GABRB1: variants seen among roughly 807,000 people sequenced by gnomAD.
GABRB1 encodes the protein gamma-aminobutyric acid type A receptor subunit beta1, also known as gamma-aminobutyric acid receptor subunit beta-1.
A neutral mutation model predicts 51.6 loss-of-function variants in GABRB1; 17 were observed. That is an observed-to-expected ratio of 0.33 (90% confidence interval 0.23 to 0.49). GABRB1 has a LOEUF of 0.49. Among genes scored for constraint, GABRB1 ranks in the 20% least tolerant of loss-of-function variants. The pLI, the probability that GABRB1 is intolerant of heterozygous loss-of-function variation, is 0.99. For synonymous variants in GABRB1, 247 were observed against 218.9 expected (o/e 1.13, Z -1.14); for missense variants, 410 against 600.6 (o/e 0.68, Z 3.32).
intron 5 of GABRB1, among the ~76,000 whole-genome samples, chr4:47,360,498 A>G (rs1726767252): frequency 6.6e-6 from 1 of 152,036 alleles, no homozygotes; most frequent in Non-Finnish European, 1.5e-5. Flanking sequence ...TCTAATCCTG[A>G]GTTCTAATTA....
intron 3 of GABRB1, among the ~76,000 whole-genome samples, chr4:47,075,809 A>T (rs1355334078): frequency 2.0e-5 from 3 of 152,150 alleles, no homozygotes; most frequent in Non-Finnish European, 2.9e-5. Context: ...ATATTTAAGG[A>T]TATCGAGATT....
At chr4:47,281,935 T>C (rs2109908586) in intron 4 of GABRB1, among the ~76,000 whole-genome samples, 2 of 152,336 alleles carry the variant, frequency 1.3e-5, no homozygotes, top group Middle Eastern at 6.8e-3. Context: ...AAGTTTCAGT[T>C]AAACTGGGAG....
chr4:47,023,067 C>T (rs1252535183), intron 1 of GABRB1, among the ~76,000 whole-genome samples: 1 of 151,912 alleles, frequency 6.6e-6, no homozygotes, highest in Non-Finnish European at 1.5e-5. Flanking sequence ...TGAAATAATC[C>T]AGGGACAGAA....
chr4:46,998,594 C>T (rs1222809282), intron 1 of GABRB1, among the ~76,000 whole-genome samples: 2 of 151,684 alleles, frequency 1.3e-5, no homozygotes, highest in Non-Finnish European at 2.9e-5. Context: ...ATTAGCCAGG[C>T]GTGGTGGCAG....
chr4:47,289,985 A>G (rs1723661341), intron 4 of GABRB1, among the ~76,000 whole-genome samples: 1 of 152,250 alleles, frequency 6.6e-6, no homozygotes, highest in South Asian at 2.1e-4. Flanking sequence ...CTGCAAAAGC[A>G]GTGAGAAATG....
At chr4:47,140,542 A>G (rs1373021655) in intron 3 of GABRB1, among the ~76,000 whole-genome samples, 2 of 151,986 alleles carry the variant, frequency 1.3e-5, no homozygotes, top group Middle Eastern at 6.3e-3. Context: ...TTTGCCAGGT[A>G]TGAAGTAAAA....
intron 3 of GABRB1, among the ~76,000 whole-genome samples, chr4:47,124,625 A>G (rs972855521): frequency 5.3e-5 from 8 of 152,212 alleles, no homozygotes; most frequent in African/African-American, 1.9e-4. Flanking sequence ...AATCAGGAAA[A>G]TAATACATGA....
intron 4 of GABRB1, among the ~76,000 whole-genome samples, chr4:47,196,839 A>G (rs780395443): frequency 4.6e-5 from 7 of 152,240 alleles, no homozygotes; most frequent in Non-Finnish European, 7.3e-5. Flanking sequence ...TCTGTGCCTC[A>G]TGAACACATT....
chr4:47,215,115 C>T (rs933874876), intron 4 of GABRB1, among the ~76,000 whole-genome samples: 1 of 151,982 alleles, frequency 6.6e-6, no homozygotes, highest in African/African-American at 2.4e-5. Flanking sequence ...GTATAAGGAT[C>T]CCTAAAAGGA....
chr4:47,218,672 T>C (rs989512147), intron 4 of GABRB1, among the ~76,000 whole-genome samples: 1 of 151,840 alleles, frequency 6.6e-6, no homozygotes, highest in South Asian at 2.1e-4. Context: ...CTTGTTTTCA[T>C]GTCTGCTTCC....
In GABRB1 at chr4:47,331,710, G is replaced by A. The variant is rs147585471; in HGVS notation, c.544+11501G>A. ...ATACTGGACACCCTTGCTGAACTAAGGAACTTTTTGATTCACTTGAGATCC... is the reference window on the plus strand; with the variant it reads ...ATACTGGACACCCTTGCTGAACTAAAGAACTTTTTGATTCACTTGAGATCC... On this transcript the variant is annotated intron_variant, in intron 5 of 8. Transcript: ENST00000295454. Among the ~76,000 whole-genome samples the A allele has an allele frequency of 6.6e-5, 10 of 152,206 alleles. No homozygotes were observed. The East Asian group carries it at 1.5e-3, about 24-fold the overall frequency.
At chr4:47,203,565 A>C (rs1041184433) in intron 4 of GABRB1, among the ~76,000 whole-genome samples, 3 of 152,084 alleles carry the variant, frequency 2.0e-5, no homozygotes, top group African/African-American at 7.2e-5. Context: ...CATAAAGAGG[A>C]TAGAAATACC....
In GABRB1 at chr4:47,243,700, A is replaced by G. The variant is rs1047564158; in HGVS notation, c.462-76427A>G. ...TTGGCTCTCTATCTGTTATTGGTGTAGATGAATGCTTGTGATTTTTGCACA... is the reference window on the plus strand; with the variant it reads ...TTGGCTCTCTATCTGTTATTGGTGTGGATGAATGCTTGTGATTTTTGCACA... On this transcript the variant is annotated intron_variant, in intron 4 of 8. Coordinates refer to ENST00000295454, the MANE Select transcript of GABRB1 (RefSeq NM_000812.4). 2.0e-4 allele frequency among the ~76,000 whole-genome samples: 31 copies of G among 152,220 alleles called. 1 individual carries two copies. The highest frequency in any genetic ancestry group is 6.5e-4 in the Admixed American group (10 of 15,278).
At chr4:47,203,852 G>C (rs1720007258) in intron 4 of GABRB1, among the ~76,000 whole-genome samples, 1 of 151,996 alleles carries the variant, frequency 6.6e-6, no homozygotes, top group African/African-American at 2.4e-5. Flanking sequence ...CCTACTCTTG[G>C]AACAACTCCC....
At chr4:47,265,910 G>T (rs1722625382) in intron 4 of GABRB1, among the ~76,000 whole-genome samples, 1 of 152,104 alleles carries the variant, frequency 6.6e-6, no homozygotes, top group African/African-American at 2.4e-5. Context: ...TGTTCACTCT[G>T]TTGATTGTTT....
At chr4:47,375,750 C>T (rs1727353438) in intron 5 of GABRB1, among the ~76,000 whole-genome samples, 1 of 152,130 alleles carries the variant, frequency 6.6e-6, no homozygotes, top group Non-Finnish European at 1.5e-5. Flanking sequence ...ACATAACCTG[C>T]CTAATTGCAA....
chr4:47,383,992 G>GTCGC (rs1727685027), intron 5 of GABRB1, among the ~76,000 whole-genome samples: 1 of 152,098 alleles, frequency 6.6e-6, no homozygotes, highest in Non-Finnish European at 1.5e-5. Context: ...ACAGTATCAT[G>GTCGC]TCGCTGCCTA....
chr4:47,415,576 G>T (rs779615837), intron 8 of GABRB1, among the ~76,000 whole-genome samples: 28 of 152,112 alleles, frequency 1.8e-4, no homozygotes, highest in Non-Finnish European at 2.6e-4. Flanking sequence ...CCTAGGTCTG[G>T]ATCACATGCA....
At chr4:47,101,019 G>A (rs1714695920) in intron 3 of GABRB1, among the ~76,000 whole-genome samples, 2 of 151,958 alleles carry the variant, frequency 1.3e-5, no homozygotes, top group African/African-American at 4.8e-5. Flanking sequence ...CGAAGGTTAG[G>A]TTGCAGAAAA....
Sources: allele counts gnomAD v4.1 joint callset (sites outside exome capture counted in the v4.1 genomes callset), GRCh38; gene constraint gnomAD v4.1.1; transcripts MANE v1.5; gene names NCBI Gene and HGNC (gene_info 2026-07-23, HGNC 2026-07-21).